LINGO2: variants seen among roughly 807,000 people sequenced by gnomAD.
The protein encoded by LINGO2 is leucine rich repeat and Ig domain containing 2, also known as leucine-rich repeat and immunoglobulin-like domain-containing nogo receptor-interacting protein 2.
A neutral mutation model predicts 30.6 loss-of-function variants in LINGO2; 14 were observed. That is an observed-to-expected ratio of 0.46 (90% confidence interval 0.30 to 0.72). The LOEUF (loss-of-function observed/expected upper bound fraction) is 0.72, where lower values mean the gene tolerates loss of function less well. Ranked by LOEUF, LINGO2 falls within the 30% of genes least tolerant of loss-of-function variation. The pLI is 0.07. For missense variants in LINGO2, 729 were observed against 751.7 expected (o/e 0.97, Z 0.35); for synonymous variants, 317 against 288.5 (o/e 1.10, Z -1.00).
intron 1 of LINGO2, among the ~76,000 whole-genome samples, chr9:28,639,687 A>T (rs1171055777): frequency 1.3e-5 from 2 of 152,036 alleles, no homozygotes; most frequent in Non-Finnish European, 2.9e-5. Context: ...ATCTTCCTCC[A>T]TCCCTTTATT....
At chr9:28,209,583 GTTTAA>G (rs1424791844) in intron 4 of LINGO2, among the ~76,000 whole-genome samples, 1 of 151,600 alleles carries the variant, frequency 6.6e-6, no homozygotes, top group Non-Finnish European at 1.5e-5. Context: ...TTTAGTAATA[GTTTAA>G]TTTAATAAAC....
intron 4 of LINGO2, among the ~76,000 whole-genome samples, chr9:28,104,568 G>C (rs1455940466): frequency 4.0e-5 from 6 of 151,274 alleles, no homozygotes. Context: ...TTGTTTACAT[G>C]TTTTTTTTCA....
intron 4 of LINGO2, among the ~76,000 whole-genome samples, chr9:28,126,955 A>G (rs1233515606): frequency 6.6e-6 from 1 of 152,234 alleles, no homozygotes; most frequent in Admixed American, 6.5e-5. Context: ...AACATTTTTT[A>G]TAAATAAAGA....
At chr9:28,002,435 T>C (rs1215966573) in intron 5 of LINGO2, among the ~76,000 whole-genome samples, 2 of 152,228 alleles carry the variant, frequency 1.3e-5, no homozygotes, top group African/African-American at 2.4e-5. Flanking sequence ...AAAACCACTA[T>C]AGTCATATTA....
chr9:28,695,749 T>TAA, the LINGO2 span, among the ~76,000 whole-genome samples: 1,118 of 142,478 alleles, frequency 7.8e-3, 8 homozygotes, highest in African/African-American at 0.027. Context: ...GCATTTCTGT[T>TAA]AAAAAAAAAA....
the LINGO2 span, among the ~76,000 whole-genome samples, chr9:28,884,994 TATTATATATATATA>T: frequency 4.3e-4 from 2 of 4,610 alleles, no homozygotes; most frequent in African/African-American, 1.4e-3. Flanking sequence ...TATAATAATA[TATTATATATATATA>T]TATATATATA....
At chr9:28,791,070 C>T in the LINGO2 span, among the ~76,000 whole-genome samples, 1 of 152,082 alleles carries the variant, frequency 6.6e-6, no homozygotes, top group Non-Finnish European at 1.5e-5. Flanking sequence ...ATTTTAAAGT[C>T]TATGCGAATG....
At chr9:28,860,016 T>G in the LINGO2 span, among the ~76,000 whole-genome samples, 12 of 152,052 alleles carry the variant, frequency 7.9e-5, no homozygotes, top group African/African-American at 2.4e-4. Context: ...AGTAGAAGTA[T>G]TCCCTGAAGA....
chr9:28,563,228 C>T (rs1031698535), intron 1 of LINGO2, among the ~76,000 whole-genome samples: 4 of 152,056 alleles, frequency 2.6e-5, no homozygotes, highest in African/African-American at 9.7e-5. Flanking sequence ...AACCTCAGAA[C>T]TAATAAAGGG....
intron 1 of LINGO2, among the ~76,000 whole-genome samples, chr9:28,577,133 C>T (rs146688675): frequency 4.2e-4 from 64 of 152,116 alleles, no homozygotes; most frequent in Admixed American, 1.1e-3. Context: ...TAAAATAAAA[C>T]GCCACAAATT....
At chr9:29,112,532 A>C in the LINGO2 span, among the ~76,000 whole-genome samples, 2 of 152,346 alleles carry the variant, frequency 1.3e-5, no homozygotes, top group Admixed American at 1.3e-4. Flanking sequence ...CAAAATCAGC[A>C]GCCCTAAGGC....
intron 1 of LINGO2, among the ~76,000 whole-genome samples, chr9:28,520,692 A>G (rs912134195): frequency 2.0e-4 from 31 of 152,216 alleles, no homozygotes; most frequent in African/African-American, 7.5e-4. Flanking sequence ...TGGAATTAAT[A>G]AATTATTGCA....
intron 2 of LINGO2, among the ~76,000 whole-genome samples, chr9:28,393,625 T>C (rs1228886231): frequency 6.6e-6 from 1 of 151,928 alleles, no homozygotes; most frequent in Non-Finnish European, 1.5e-5. Flanking sequence ...TAACAAGAGG[T>C]AGATAAATAG....
chr9:28,716,538 G>A, the LINGO2 span, among the ~76,000 whole-genome samples: 4 of 151,996 alleles, frequency 2.6e-5, no homozygotes, highest in African/African-American at 4.8e-5. Flanking sequence ...TCACGTATTT[G>A]TCACAAATAT....
chr9:28,504,955 T>C (rs1281792730), intron 1 of LINGO2, among the ~76,000 whole-genome samples: 3 of 151,716 alleles, frequency 2.0e-5, no homozygotes, highest in African/African-American at 7.3e-5. Context: ...ATGAGCATAA[T>C]AGAACAATGA....
chr9:28,776,717 A>G, the LINGO2 span, among the ~76,000 whole-genome samples: 1 of 152,286 alleles, frequency 6.6e-6, no homozygotes, highest in Non-Finnish European at 1.5e-5. Context: ...TTCAAAGGTT[A>G]TTGTAAGTCA....
chr9:28,922,829 C>T, the LINGO2 span, among the ~76,000 whole-genome samples: 1 of 152,042 alleles, frequency 6.6e-6, no homozygotes, highest in Admixed American at 6.5e-5. Context: ...CCAGAAGCTG[C>T]GAATGTTATA....
the LINGO2 span, among the ~76,000 whole-genome samples, chr9:28,733,161 A>G: frequency 6.6e-6 from 1 of 152,174 alleles, no homozygotes; most frequent in African/African-American, 2.4e-5. Flanking sequence ...AGCCTTAGAA[A>G]TCTGAAAGTA....
intron 4 of LINGO2, among the ~76,000 whole-genome samples, chr9:28,033,060 C>A (rs1823759366): frequency 6.6e-6 from 1 of 152,052 alleles, no homozygotes; most frequent in Non-Finnish European, 1.5e-5. Context: ...TAGACAGAAG[C>A]CAGTACTGTT....
Sources: allele counts gnomAD v4.1 joint callset (sites outside exome capture counted in the v4.1 genomes callset), GRCh38; gene constraint gnomAD v4.1.1; transcripts MANE v1.5; gene names NCBI Gene and HGNC (gene_info 2026-07-23, HGNC 2026-07-21).